The following CSMD1 variants were observed in gnomAD, a reference collection of about 807,000 sequenced individuals.
CSMD1 encodes the protein CUB and sushi domain-containing protein 1.
CSMD1 carries 213 observed loss-of-function variants against 417.5 expected under a neutral mutation model. The observed-to-expected ratio is 0.51, with a 90% CI of 0.46 to 0.57. The LOEUF (loss-of-function observed/expected upper bound fraction) is 0.57. Among genes scored for constraint, CSMD1 ranks in the 20% least tolerant of loss-of-function variants. The pLI, the probability that CSMD1 is intolerant of heterozygous loss-of-function variation, is 0.00. For missense variants in CSMD1, 6,923 were observed against 4,529.7 expected (o/e 1.53, Z -15.17); for synonymous variants, 2,862 against 1,736.8 (o/e 1.65, Z -16.11).
chr8:2,956,513 G>T (rs1382626579), intron 63 of CSMD1, among the ~76,000 whole-genome samples: 1 of 151,750 alleles, frequency 6.6e-6, no homozygotes, highest in South Asian at 2.1e-4. Flanking sequence ...GAATGCAGTG[G>T]CACGATCTCC....
chr8:3,844,912 T>A (rs201558468), intron 5 of CSMD1, among the ~76,000 whole-genome samples: 2 of 134,970 alleles, frequency 1.5e-5, no homozygotes, highest in African/African-American at 7.5e-5. Flanking sequence ...TGTCTGTGCA[T>A]TTAAAAACTG....
intron 3 of CSMD1, among the ~76,000 whole-genome samples, chr8:4,086,981 T>A (rs913447076): frequency 1.3e-5 from 2 of 152,188 alleles, no homozygotes; most frequent in Admixed American, 6.5e-5. Flanking sequence ...TGAGCTTCTG[T>A]TTCCTCATTT....
chr8:4,460,619 G>C (rs1799754939), intron 2 of CSMD1, among the ~76,000 whole-genome samples: 1 of 152,104 alleles, frequency 6.6e-6, no homozygotes. Context: ...GGGAAAAAAA[G>C]GTAGAGAATA....
chr8:4,203,586 T>C lies in CSMD1; in HGVS notation c.416-171487A>G, dbSNP rs912497204. Among the ~76,000 whole-genome samples, 4 of 152,010 alleles carry C rather than the reference T, an allele frequency of 2.6e-5. No individual in the cohort carries two copies. The East Asian group carries it at 7.7e-4, about 29-fold the overall frequency. On this transcript the variant is annotated intron_variant, in intron 3 of 69. Coordinates refer to ENST00000635120, the MANE Select transcript of CSMD1 (RefSeq NM_033225.6). ...TGGAAGTCAGTGTAGCTGGGAGACT[T>C]AGAATCAAAGAGCAGCTGTGGCACT...
intron 3 of CSMD1, among the ~76,000 whole-genome samples, chr8:4,066,297 G>C (rs966577750): frequency 6.6e-6 from 1 of 152,028 alleles, no homozygotes; most frequent in Admixed American, 6.5e-5. Flanking sequence ...GACCTTAACC[G>C]TTTATGTCTG....
At chr8:3,542,325 G>T (rs958128120) in intron 10 of CSMD1, among the ~76,000 whole-genome samples, 1 of 152,160 alleles carries the variant, frequency 6.6e-6, no homozygotes, top group Non-Finnish European at 1.5e-5. Context: ...CAATCATTCA[G>T]ATGGTTCATT....
intron 7 of CSMD1, among the ~76,000 whole-genome samples, chr8:3,650,665 G>A (rs1049673389): frequency 6.6e-6 from 1 of 152,202 alleles, no homozygotes; most frequent in Non-Finnish European, 1.5e-5. Flanking sequence ...CACGCTATGA[G>A]AACTGTTCGA....
chr8:4,420,039 G>A lies in CSMD1; in HGVS notation c.329C>T (p.Ser110Phe), dbSNP rs756327856. 1 of 1,574,868 alleles carries A rather than the reference G, an allele frequency of 6.3e-7. No homozygotes were observed. Among genetic ancestry groups the A allele is most frequent in the Non-Finnish European group, 8.6e-7 (1 of 1,158,682 alleles). The change falls in exon 3 of 70, where the codon TCT becomes TTT. Residue 110 changes from serine (S) to phenylalanine (F), a missense_variant. Physicochemically the swap from Ser to Phe is radical, Grantham distance 155. Coordinates refer to ENST00000635120, the MANE Select transcript of CSMD1 (RefSeq NM_033225.6). Reference sequence around the variant, plus strand: ...GAGGATAGATCCTGTACTCACTATAGAGGAGGGCAGCTGAAATCCCGATAA... The same window carrying A: ...GAGGATAGATCCTGTACTCACTATAAAGGAGGGCAGCTGAAATCCCGATAA... ...VRLSGFQLPS[S>F]IVSTGSILTL...
chr8:4,518,522 A>G (rs561941587), intron 2 of CSMD1, among the ~76,000 whole-genome samples: 2 of 151,244 alleles, frequency 1.3e-5, no homozygotes, highest in African/African-American at 4.8e-5. Flanking sequence ...AAGGACAAAA[A>G]ACCAAACACC....
intron 5 of CSMD1, among the ~76,000 whole-genome samples, chr8:3,808,068 G>A (rs558460271): frequency 6.6e-6 from 1 of 152,228 alleles, no homozygotes; most frequent in African/African-American, 2.4e-5. Flanking sequence ...AGCAGTGGCT[G>A]AAGAAAATGG....
chr8:3,075,940 C>A lies in CSMD1; in HGVS notation c.7474+11157G>T, dbSNP rs543356608. On this transcript the variant is annotated intron_variant, in intron 49 of 69. Transcript: ENST00000635120. ...GTGGCGGGCGCCTGTAGTCCCAGCT[C>A]CTAGGGACGCTGAGGCAGGAGAATG... Among the ~76,000 whole-genome samples, 293 of 151,268 alleles carry A rather than the reference C, an allele frequency of 1.9e-3. 2 individuals carry two copies. The highest frequency in any genetic ancestry group is 5.7e-3 in the African/African-American group (233 of 41,188).
intron 7 of CSMD1, among the ~76,000 whole-genome samples, chr8:3,645,442 C>G (rs968287853): frequency 3.3e-5 from 5 of 152,260 alleles, no homozygotes; most frequent in Middle Eastern, 3.4e-3. Context: ...AGGGGAAAGA[C>G]AGCAAACCTT....
At chr8:4,153,835 T>A (rs1796691589) in intron 3 of CSMD1, among the ~76,000 whole-genome samples, 1 of 152,206 alleles carries the variant, frequency 6.6e-6, no homozygotes, top group Non-Finnish European at 1.5e-5. Flanking sequence ...GAACGTCACA[T>A]GCAAGTGGTG....
chr8:3,865,864 G>C (rs960360535), intron 5 of CSMD1, among the ~76,000 whole-genome samples: 1 of 152,054 alleles, frequency 6.6e-6, no homozygotes, highest in East Asian at 1.9e-4. Flanking sequence ...ACGTGTTATA[G>C]TATACTAGAA....
At chr8:3,381,267 C>T (rs1007534536) in intron 18 of CSMD1, among the ~76,000 whole-genome samples, 1 of 150,444 alleles carries the variant, frequency 6.6e-6, no homozygotes, top group African/African-American at 2.4e-5. Flanking sequence ...GATCTACCCA[C>T]ATGAAAAAAA....
chr8:4,427,206 T>C (rs1797609282), intron 2 of CSMD1, among the ~76,000 whole-genome samples: 1 of 152,154 alleles, frequency 6.6e-6, no homozygotes, highest in South Asian at 2.1e-4. Context: ...CATCTAACGA[T>C]TCCTGAGCCC....
chr8:3,846,456 A>C (rs1452738602), intron 5 of CSMD1, among the ~76,000 whole-genome samples: 1 of 152,324 alleles, frequency 6.6e-6, no homozygotes, highest in Non-Finnish European at 1.5e-5. Flanking sequence ...CAGTTACTCA[A>C]AATAACCTTC....
intron 23 of CSMD1, among the ~76,000 whole-genome samples, chr8:3,342,618 C>A (rs1026883729): frequency 6.6e-6 from 1 of 152,096 alleles, no homozygotes; most frequent in Non-Finnish European, 1.5e-5. Flanking sequence ...TTTTATTTCC[C>A]TGTTCTTTTG....
chr8:4,038,451 T>C (rs978712261), intron 3 of CSMD1, among the ~76,000 whole-genome samples: 2 of 152,158 alleles, frequency 1.3e-5, no homozygotes, highest in African/African-American at 4.8e-5. Context: ...TACCAAAATA[T>C]GGTAATTTAG....
Sources: gnomAD v4.1 joint callset for allele counts (sites outside exome capture counted in the v4.1 genomes callset) on GRCh38, gnomAD v4.1.1 for gene constraint, MANE v1.5 for transcripts, NCBI Gene and HGNC (gene_info 2026-07-23, HGNC 2026-07-21) for gene names.